LMLN: variants seen among roughly 807,000 people sequenced by gnomAD.
LMLN encodes leishmanolysin-like peptidase.
In LMLN, 70 loss-of-function variants were observed where a neutral mutation model predicts 92.3. The ratio of observed to expected loss-of-function variants is 0.76; its 90% CI spans 0.63 to 0.92. LMLN has a LOEUF of 0.92. LMLN is among the 40% of genes least tolerant of loss of function. LMLN has a pLI of 0.00. For missense variants in LMLN, 691 were observed against 814.6 expected (o/e 0.85, Z 1.85); for synonymous variants, 308 against 296.2 (o/e 1.04, Z -0.41).
chr3:198,037,456 C>T (rs891998890), intron 15 of LMLN, among the ~76,000 whole-genome samples: 16 of 152,100 alleles, frequency 1.1e-4, no homozygotes, highest in Non-Finnish European at 2.2e-4. Flanking sequence ...TCAAGATCAA[C>T]CTGGCCAACA....
intron 1 of LMLN, among the ~76,000 whole-genome samples, chr3:197,964,075 T>A (rs1720980344): frequency 6.6e-6 from 1 of 152,218 alleles, no homozygotes; most frequent in African/African-American, 2.4e-5. Flanking sequence ...TGTGGTAGAT[T>A]ACATTGCATT....
chr3:197,975,700 T>G (rs1359958047), intron 3 of LMLN, among the ~76,000 whole-genome samples: 1 of 152,224 alleles, frequency 6.6e-6, no homozygotes, highest in Non-Finnish European at 1.5e-5. Flanking sequence ...CACAGTTTTG[T>G]TAAAGGTGTA....
intron 1 of LMLN, among the ~76,000 whole-genome samples, chr3:197,967,002 C>T (rs574172253): frequency 1.3e-5 from 2 of 152,216 alleles, no homozygotes; most frequent in South Asian, 4.1e-4. Context: ...TGCTGTGTTT[C>T]CCAGTCTCGT....
At chr3:198,021,398 A>C in intron 12 of LMLN, 48 bp from the exon 14 acceptor site, 4 of 1,579,102 alleles carry the variant, frequency 2.5e-6, no homozygotes, top group Non-Finnish European at 3.5e-6. Flanking sequence ...CCTCAATTTT[A>C]TACAGAATGT....
intron 12 of LMLN, among the ~76,000 whole-genome samples, chr3:198,020,768 ATTTTTTTTTTT>A (rs71166715): frequency 2.4e-4 from 8 of 32,870 alleles, no homozygotes; most frequent in South Asian, 1.6e-3. Flanking sequence ...TAATTTTTGT[ATTTTTTTTTTT>A]TTTTTTTTTT....
chr3:197,967,238 G>A (rs987442397), intron 1 of LMLN, among the ~76,000 whole-genome samples: 6 of 151,928 alleles, frequency 3.9e-5, no homozygotes, highest in Non-Finnish European at 5.9e-5. Context: ...CAGGTTTATC[G>A]GGGGAACCCG....
intron 5 of LMLN, among the ~76,000 whole-genome samples, chr3:197,977,544 A>AT (rs1721423200): frequency 6.6e-6 from 1 of 152,138 alleles, no homozygotes; most frequent in Admixed American, 6.5e-5. Context: ...CTGGATACAT[A>AT]TAAAAATCAT....
chr3:197,995,421 C>T (rs951720970), intron 9 of LMLN, among the ~76,000 whole-genome samples: 5 of 152,002 alleles, frequency 3.3e-5, no homozygotes, highest in Middle Eastern at 3.2e-3. Flanking sequence ...CTTAAAAAGG[C>T]GGGAAATTTT....
intron 11 of LMLN, among the ~76,000 whole-genome samples, chr3:198,010,489 C>G (rs1414010709): frequency 6.6e-6 from 1 of 151,686 alleles, no homozygotes; most frequent in Non-Finnish European, 1.5e-5. Flanking sequence ...GGTCTGTTGC[C>G]CAGGCTTGAG....
chr3:197,980,688 G>A (rs967205127), intron 6 of LMLN, 184 bp downstream of exon 6: 1 of 473,854 alleles, frequency 2.1e-6, no homozygotes, highest in Non-Finnish European at 3.7e-6. Context: ...TTATTAATGT[G>A]ATAACCCAAG....
chr3:198,022,801 G>A (rs992939781), intron 13 of LMLN, among the ~76,000 whole-genome samples: 2 of 152,328 alleles, frequency 1.3e-5, no homozygotes, highest in East Asian at 3.9e-4. Context: ...GGAGTTTGCA[G>A]TGAGTCGAGA....
At chr3:197,997,820 C>T (rs1722070479) in intron 10 of LMLN, among the ~76,000 whole-genome samples, 1 of 152,046 alleles carries the variant, frequency 6.6e-6, no homozygotes, top group African/African-American at 2.4e-5. Context: ...TTGGATCTAC[C>T]CATTTTTTTC....
chr3:198,010,453 CTGTTT>C (rs907250323), intron 11 of LMLN, among the ~76,000 whole-genome samples: 2 of 150,482 alleles, frequency 1.3e-5, no homozygotes, highest in Non-Finnish European at 3.0e-5. Flanking sequence ...CCAGCGTTTT[CTGTTT>C]TGTTTTATTT....
exon 16 of LMLN, chr3:198,038,653 T>C (rs1723302765): frequency 1.2e-6 from 2 of 1,611,500 alleles, no homozygotes; most frequent in East Asian, 2.2e-5. Context: ...ATTTCTTCTG[T>C]GTATATGGCA....
intron 10 of LMLN, 128 bp from the exon 11 acceptor site, chr3:197,999,138 C>T: frequency 1.4e-6 from 1 of 690,540 alleles, no homozygotes; most frequent in Non-Finnish European, 2.6e-6. Context: ...TATTTCACCA[C>T]TTTTAAGTGA....
intron 8 of LMLN, among the ~76,000 whole-genome samples, chr3:197,986,817 T>C (rs375526988): frequency 1.3e-5 from 2 of 151,878 alleles, no homozygotes; most frequent in African/African-American, 2.4e-5. Context: ...ATTCTTTTAA[T>C]GTTCTGTATG....
chr3:197,985,975 A>G (rs1336631052), intron 8 of LMLN, 85 bp downstream of exon 8: 2 of 796,300 alleles, frequency 2.5e-6, no homozygotes, highest in African/African-American at 3.4e-5. Flanking sequence ...ATTAGATGCC[A>G]TAAATAATAA....
intron 10 of LMLN, 93 bp from the exon 11 acceptor site, chr3:197,999,173 G>T: frequency 1.1e-6 from 1 of 886,306 alleles, no homozygotes; most frequent in South Asian, 1.4e-5. Context: ...TCTCACAGTT[G>T]AAACATTTTA....
At chr3:198,036,003 A>G (rs745655148) in exon 15 of LMLN, 1 of 1,613,950 alleles carries the variant, frequency 6.2e-7, no homozygotes, top group South Asian at 1.1e-5. Flanking sequence ...CTCCAGAAAC[A>G]GATCCTCCAG....
Sources: allele counts gnomAD v4.1 joint callset (sites outside exome capture counted in the v4.1 genomes callset), GRCh38; gene constraint gnomAD v4.1.1; transcripts MANE v1.5; gene names NCBI Gene and HGNC (gene_info 2026-07-23, HGNC 2026-07-21).